TRAM1: variants seen among roughly 807,000 people sequenced by gnomAD.
TRAM1 encodes translocation associated membrane protein 1.
In TRAM1, 17 loss-of-function variants were observed where a neutral mutation model predicts 48.7. The ratio of observed to expected loss-of-function variants is 0.35; its 90% CI spans 0.24 to 0.52. The LOEUF is 0.52. TRAM1 is among the 20% of genes least tolerant of loss of function. The pLI is 0.94. For synonymous variants in TRAM1, 182 were observed against 154.0 expected (o/e 1.18, Z -1.34); for missense variants, 351 against 441.5 (o/e 0.79, Z 1.84).
intron 10 of TRAM1, among the ~76,000 whole-genome samples, chr8:70,576,647 G>A (rs929251157): frequency 4.6e-5 from 7 of 152,122 alleles, no homozygotes; most frequent in Non-Finnish European, 8.8e-5. Context: ...TCCACTCACT[G>A]CAACCTCCAC....
intron 4 of TRAM1, among the ~76,000 whole-genome samples, chr8:70,597,668 CAAAAAAAAAAAAAA>C (rs35449323): frequency 2.8e-5 from 1 of 35,986 alleles, no homozygotes; most frequent in African/African-American, 1.2e-4. Flanking sequence ...GACTCTGTCT[CAAAAAAAAAAAAAA>C]AAAAAAAAAA....
rs1816890415 is a variant in TRAM1 at position 70,574,191 on chromosome 8, G to T, written c.*741C>A. ...ACATATCAAAAAGGGCTATATGTCA[G>T]ATTTTCCTGTTCATAGTAAATATTT... On this transcript the variant is annotated 3_prime_UTR_variant, in exon 11 of 11. Coordinates refer to ENST00000262213, the MANE Select transcript of TRAM1 (RefSeq NM_014294.6). The T allele has an allele frequency of 2.5e-6, 1 of 404,062 alleles. No homozygotes were observed. Among genetic ancestry groups the T allele is most frequent in the South Asian group, 1.8e-5 (1 of 54,148 alleles). 25.0% of individuals were successfully genotyped at this position (404,062 alleles called of 1,614,324 possible).
rs772576984 is a variant in TRAM1, at chr8:70,600,031, G to T, written c.175C>A (p.Leu59Ile). Residue 59 changes from leucine to isoleucine, a missense_variant, in exon 2 of 11, where the codon CTC (leucine) becomes ATC (isoleucine). Coordinates refer to ENST00000262213, the MANE Select transcript of TRAM1 (RefSeq NM_014294.6). Reference protein sequence around the residue: ...IFVTLQYNVTLPATEEQATES... With the variant: ...IFVTLQYNVTIPATEEQATES... ...GTAAATTACCTACCTGTTGCTGGGA[G>T]GGTGACATTGTACTGAAGAGTAACA... The T allele has an allele frequency of 6.2e-7, 1 of 1,613,590 alleles. No homozygotes were observed. The highest frequency in any genetic ancestry group is 2.2e-5 in the East Asian group (1 of 44,858).
intron 2 of TRAM1, among the ~76,000 whole-genome samples, chr8:70,598,561 T>C (rs981415368): frequency 1.3e-5 from 2 of 152,182 alleles, no homozygotes; most frequent in Non-Finnish European, 1.5e-5. Flanking sequence ...CCCAGGGGTA[T>C]AAATTAGGTT....
At chr8:70,594,263 C>G (rs1817431440) in intron 6 of TRAM1, among the ~76,000 whole-genome samples, 1 of 141,590 alleles carries the variant, frequency 7.1e-6, no homozygotes, top group African/African-American at 2.6e-5. Context: ...AAGCCATTAA[C>G]ATATCAAATG....
chr8:70,590,808 C>A (rs915820974), intron 6 of TRAM1, among the ~76,000 whole-genome samples: 11 of 152,214 alleles, frequency 7.2e-5, no homozygotes, highest in Admixed American at 4.6e-4. Context: ...ATCAAGAAAC[C>A]TTTTTCTAAG....
chr8:70,598,283 CA>C, intron 2 of TRAM1, 28 bp from the exon 3 acceptor site: 1 of 1,579,268 alleles, frequency 6.3e-7, no homozygotes, highest in Non-Finnish European at 8.6e-7. Flanking sequence ...CACAAATACA[CA>C]AAAATATACA....
At chr8:70,579,227 A>G (rs1012323825) in intron 10 of TRAM1, among the ~76,000 whole-genome samples, 3 of 152,210 alleles carry the variant, frequency 2.0e-5, no homozygotes, top group African/African-American at 7.2e-5. Flanking sequence ...GGTATAGCCT[A>G]TTGCTCCTAG....
At chr8:70,599,937 G>C in intron 2 of TRAM1, 82 bp downstream of exon 2, 1 of 996,604 alleles carries the variant, frequency 1.0e-6, no homozygotes, top group Non-Finnish European at 1.6e-6. Context: ...AATTAACGCA[G>C]GACCTAGCAT....
At chr8:70,595,325 A>T (rs1242391917) in intron 5 of TRAM1, among the ~76,000 whole-genome samples, 1 of 152,006 alleles carries the variant, frequency 6.6e-6, no homozygotes, top group African/African-American at 2.4e-5. Flanking sequence ...GGTGGAGAGA[A>T]TACAGTCCCA....
intron 8 of TRAM1, among the ~76,000 whole-genome samples, chr8:70,584,022 A>T (rs1817146016): frequency 6.6e-6 from 1 of 152,092 alleles, no homozygotes; most frequent in Admixed American, 6.6e-5. Context: ...TCAAAAAAAT[A>T]AATAAATAAA....
intron 6 of TRAM1, 146 bp from the exon 7 acceptor site, chr8:70,587,322 G>C: frequency 1.4e-6 from 1 of 692,388 alleles, no homozygotes; most frequent in Non-Finnish European, 2.4e-6. Flanking sequence ...CAAAGGGTTA[G>C]GATTTCAGGC....
At chr8:70,597,811 A>C (rs1817523145) in intron 4 of TRAM1, 84 bp downstream of exon 4, 2 of 1,028,156 alleles carry the variant, frequency 1.9e-6, no homozygotes, top group Non-Finnish European at 2.8e-6. Flanking sequence ...TATCACTGAA[A>C]CTCTTAACTT....
At chr8:70,598,964 TG>T (rs1207779283) in intron 2 of TRAM1, among the ~76,000 whole-genome samples, 1 of 152,174 alleles carries the variant, frequency 6.6e-6, no homozygotes, top group Non-Finnish European at 1.5e-5. Context: ...TGTACATAAC[TG>T]AACAAAAACC....
At chr8:70,594,075 T>TC (rs1480338048) in intron 6 of TRAM1, among the ~76,000 whole-genome samples, 1 of 152,208 alleles carries the variant, frequency 6.6e-6, no homozygotes, top group African/African-American at 2.4e-5. Flanking sequence ...TACTTTTTTT[T>TC]CCAATACTGA....
At position 70,573,964 on chromosome 8, in the gene TRAM1, G is replaced by T. The variant is rs185442564; in HGVS notation, c.*968C>A. 0.012 allele frequency: 2,379 copies of T among 196,734 alleles called. 25 individuals are homozygous for T. Among genetic ancestry groups the T allele is most frequent in the Non-Finnish European group, 0.017 (1,647 of 95,934 alleles). The allele number at this position is 196,734 out of a possible 1,614,324, so 12.2% of individuals were successfully genotyped here. ...TATAACATAAAGCACATTGTCTTTT[G>T]TAAGACTATTTATCCACCTGAATTT... is the stretch of plus-strand genomic sequence containing the variant. On this transcript the variant is annotated 3_prime_UTR_variant, in exon 11 of 11. Coordinates refer to ENST00000262213, the MANE Select transcript of TRAM1 (RefSeq NM_014294.6).
At position 70,574,902 on chromosome 8, in the gene TRAM1, G is replaced by A; in HGVS notation, c.*30C>T. On this transcript the variant is annotated 3_prime_UTR_variant, in exon 11 of 11. Transcript: ENST00000262213. The stretch of plus-strand genomic sequence containing the variant: ...GATATAGTAGAAAGCAGATTTCTTT[G>A]GGGACATTAATCAATTAGTTTATAA... 1.4e-6 allele frequency: 2 copies of A among 1,430,388 alleles called. No individual in the cohort carries two copies. The highest frequency in any genetic ancestry group is 2.0e-6 in the Non-Finnish European group (2 of 1,019,736). The allele number at this position is 1,430,388 out of a possible 1,614,324, so 88.6% of individuals were successfully genotyped here. A position where few individuals can be genotyped will look rare whatever the true frequency, so the allele number is the denominator to read the frequency against.
In TRAM1 at chr8:70,576,523, T is replaced by C. The variant is rs1472588038; in HGVS notation, c.1052-1518A>G. ...AGACAAATTCCTTGAAAAACATTAT[T>C]TACCAAAAGAGAAACGACTAAGAAA... On this transcript the variant is annotated intron_variant, in intron 10 of 10. Transcript: ENST00000262213. Among the ~76,000 whole-genome samples, 5 of 152,362 alleles carry C rather than the reference T, an allele frequency of 3.3e-5. No homozygotes were observed. In the South Asian group the frequency reaches 8.3e-4, roughly 25 times the overall value.
In TRAM1 at chr8:70,573,447, A is replaced by AAAGT. The variant is rs2132017963; in HGVS notation, c.*1481_*1484dup. ...AGAAACATCCAGGATACAACTTGTG[A>AAAGT]AAGTAAAAATTTTTATTTTGATTGA... On this transcript the variant is annotated 3_prime_UTR_variant, in exon 11 of 11. Transcript: ENST00000262213. The AAAGT allele has an allele frequency of 6.5e-6, 1 of 152,770 alleles. No homozygotes were observed. Among genetic ancestry groups the AAAGT allele is most frequent in the Admixed American group, 6.5e-5 (1 of 15,298 alleles). The allele number at this position is 152,770 out of a possible 1,614,324, so 9.5% of individuals were successfully genotyped here.
Sources: gnomAD v4.1 joint callset for allele counts (sites outside exome capture counted in the v4.1 genomes callset) on GRCh38, gnomAD v4.1.1 for gene constraint, MANE v1.5 for transcripts, NCBI Gene and HGNC (gene_info 2026-07-23, HGNC 2026-07-21) for gene names.